Variants in RBMS3 observed in about 807,000 individuals in gnomAD.
RBMS3 encodes RNA-binding motif, single-stranded-interacting protein 3.
RBMS3 carries 27 observed loss-of-function variants against 66.8 expected under a neutral mutation model. That is an observed-to-expected ratio of 0.40 (90% confidence interval 0.30 to 0.56). RBMS3 has a LOEUF of 0.56. Ranked by LOEUF, RBMS3 falls within the 20% of genes least tolerant of loss-of-function variation. The probability of loss-of-function intolerance (pLI) is 0.40; values close to 1 mark genes in which losing one functional copy is unlikely to be tolerated. For synonymous variants in RBMS3, 188 were observed against 183.0 expected, an observed-to-expected ratio of 1.03 and a Z score of -0.22; for missense variants, 513 against 549.5, an observed-to-expected ratio of 0.93 and a Z score of 0.66.
At chr3:29,558,786 G>A (rs2046442106) in intron 3 of RBMS3, among the ~76,000 whole-genome samples, 1 of 152,146 alleles carries the variant, frequency 6.6e-6, no homozygotes, top group Non-Finnish European at 1.5e-5. Flanking sequence ...TGACTCAGTA[G>A]GTCCAGGACA....
At chr3:29,480,156 C>T (rs1283270458) in intron 2 of RBMS3, among the ~76,000 whole-genome samples, 8 of 152,020 alleles carry the variant, frequency 5.3e-5, no homozygotes, top group Non-Finnish European at 1.2e-4. Context: ...GAGAGTGAAA[C>T]ACAAAGAAAT....
chr3:29,927,713 AAG>A (rs764124881), intron 10 of RBMS3, among the ~76,000 whole-genome samples: 2 of 152,152 alleles, frequency 1.3e-5, no homozygotes, highest in Non-Finnish European at 2.9e-5. Context: ...GTGTGGTGGA[AAG>A]AGAGGCTTCA....
At chr3:29,586,092 T>A (rs1022036362) in intron 3 of RBMS3, among the ~76,000 whole-genome samples, 1 of 152,060 alleles carries the variant, frequency 6.6e-6, no homozygotes, top group African/African-American at 2.4e-5. Context: ...AACTTCTAAA[T>A]GAGATAAGTA....
intron 6 of RBMS3, among the ~76,000 whole-genome samples, chr3:29,807,701 T>C (rs915614388): frequency 6.6e-6 from 1 of 151,884 alleles, no homozygotes; most frequent in Non-Finnish European, 1.5e-5. Context: ...CACATTGTTA[T>C]GTAAAACAAG....
At position 29,388,788 on chromosome 3, in the gene RBMS3, T is replaced by C. The variant is rs188773393; in HGVS notation, c.76-45955T>C. ...ACCATGTTAGCCAGGATGGTCTCAA[T>C]CTCCTGACCTCGTGATCCGCCCGCC... On this transcript the variant is annotated intron_variant, in intron 1 of 14. Transcript: ENST00000383767. Among the ~76,000 whole-genome samples the C allele has an allele frequency of 1.9e-3, 293 of 152,236 alleles. 1 individual carries two copies. Among genetic ancestry groups the C allele is most frequent in the Non-Finnish European group, 2.3e-3 (157 of 68,010 alleles).
intron 6 of RBMS3, among the ~76,000 whole-genome samples, chr3:29,859,148 C>A (rs150250209): frequency 6.6e-6 from 1 of 152,152 alleles, no homozygotes; most frequent in East Asian, 1.9e-4. Flanking sequence ...AAAGGATAGG[C>A]GTAAACATGA....
At chr3:29,816,664 A>G (rs915040203) in intron 6 of RBMS3, among the ~76,000 whole-genome samples, 2 of 152,160 alleles carry the variant, frequency 1.3e-5, no homozygotes, top group Admixed American at 6.6e-5. Context: ...TTATAATGTG[A>G]AGTTCTTTAC....
intron 5 of RBMS3, among the ~76,000 whole-genome samples, chr3:29,756,840 T>C (rs927485138): frequency 6.6e-6 from 1 of 152,158 alleles, no homozygotes; most frequent in African/African-American, 2.4e-5. Flanking sequence ...GAAATGCATA[T>C]GGCCAAGCAT....
chr3:29,566,918 TG>T (rs370861554), intron 3 of RBMS3, among the ~76,000 whole-genome samples: 1 of 152,146 alleles, frequency 6.6e-6, no homozygotes, highest in African/African-American at 2.4e-5. Flanking sequence ...TTAAATAAGT[TG>T]ATTAAAAAGT....
chr3:29,402,020 A>G (rs2039833543), intron 1 of RBMS3, among the ~76,000 whole-genome samples: 1 of 152,078 alleles, frequency 6.6e-6, no homozygotes, highest in African/African-American at 2.4e-5. Flanking sequence ...AACAGCAAAG[A>G]TACCAAGCTG....
chr3:29,417,406 C>T (rs2040522120), intron 1 of RBMS3, among the ~76,000 whole-genome samples: 2 of 151,936 alleles, frequency 1.3e-5, no homozygotes, highest in African/African-American at 4.8e-5. Flanking sequence ...ATGCAGTCCA[C>T]GTAGAGTTAA....
At chr3:29,390,117 T>C (rs2039219870) in intron 1 of RBMS3, among the ~76,000 whole-genome samples, 1 of 152,176 alleles carries the variant, frequency 6.6e-6, no homozygotes, top group African/African-American at 2.4e-5. Context: ...CAAGTTTTGA[T>C]TTTTGTTTGC....
chr3:29,909,236 T>G (rs1022538369), intron 10 of RBMS3, among the ~76,000 whole-genome samples: 5 of 152,120 alleles, frequency 3.3e-5, no homozygotes, highest in African/African-American at 1.2e-4. Flanking sequence ...TCCTACACAT[T>G]TTTTATTAGC....
At chr3:29,571,939 T>A (rs1202018935) in intron 3 of RBMS3, among the ~76,000 whole-genome samples, 1 of 152,142 alleles carries the variant, frequency 6.6e-6, no homozygotes, top group Non-Finnish European at 1.5e-5. Flanking sequence ...TTTTTTTGTG[T>A]CCTCTTCAAT....
Position 29,677,910 on chromosome 3 carries a change from C to T in RBMS3, c.400-61810C>T, listed in dbSNP as rs192987766. Among the ~76,000 whole-genome samples the T allele has an allele frequency of 2.9e-3, 440 of 152,242 alleles. 2 individuals carry two copies. The highest frequency in any genetic ancestry group is 4.6e-3 in the Non-Finnish European group (315 of 68,024). On this transcript the variant is annotated intron_variant, in intron 4 of 14. Coordinates refer to ENST00000383767, the MANE Select transcript of RBMS3 (RefSeq NM_001003793.3). ...ATTCTGTCACATACCAGCTCTGTGG[C>T]CTTGGTTAAATCACCAAATACTCTG...
At chr3:29,559,553 A>AAAAAAT (rs2046477399) in intron 3 of RBMS3, among the ~76,000 whole-genome samples, 1 of 139,008 alleles carries the variant, frequency 7.2e-6, no homozygotes, top group Non-Finnish European at 1.5e-5. Context: ...AAAAAAAAAA[A>AAAAAAT]CCTGACTATT....
At chr3:29,348,322 A>C (rs1215374410) in intron 1 of RBMS3, among the ~76,000 whole-genome samples, 1 of 152,214 alleles carries the variant, frequency 6.6e-6, no homozygotes, top group Non-Finnish European at 1.5e-5. Flanking sequence ...ATTTCAGGCA[A>C]ATTTATCTCT....
chr3:29,774,420 C>A (rs912634896), intron 6 of RBMS3, among the ~76,000 whole-genome samples: 31 of 151,936 alleles, frequency 2.0e-4, no homozygotes, highest in African/African-American at 7.0e-4. Context: ...AATAAAGGTC[C>A]ATTCAAAAGA....
intron 12 of RBMS3, among the ~76,000 whole-genome samples, chr3:29,946,111 T>A (rs1442012470): frequency 6.6e-6 from 1 of 151,724 alleles, no homozygotes. Flanking sequence ...TAATTGGTAG[T>A]TTGACATAAG....
Sources: allele counts gnomAD v4.1 joint callset (sites outside exome capture counted in the v4.1 genomes callset), GRCh38; gene constraint gnomAD v4.1.1; transcripts MANE v1.5; gene names NCBI Gene and HGNC (gene_info 2026-07-23, HGNC 2026-07-21).